HLF: variants seen among roughly 807,000 people sequenced by gnomAD.
HLF encodes hepatic leukemia factor.
Under a neutral mutation model 22.6 loss-of-function variants are expected in HLF, and 3 were observed. The ratio of observed to expected loss-of-function variants is 0.13; its 90% CI spans 0.06 to 0.34. HLF has a LOEUF of 0.34. Ranked by LOEUF, HLF falls within the 10% of genes least tolerant of loss-of-function variation. The probability of loss-of-function intolerance (pLI) is 1.00; values close to 1 mark genes in which losing one functional copy is unlikely to be tolerated. For missense variants in HLF, 299 were observed against 389.2 expected, an observed-to-expected ratio of 0.77 and a Z score of 1.95; for synonymous variants, 151 against 151.8, an observed-to-expected ratio of 0.99 and a Z score of 0.04.
At position 55,323,018 on chromosome 17, in the gene HLF, T is replaced by C. The variant is rs1161604276; in HGVS notation, c.*2139T>C. ...TCTAGTTTCCTGCCTTCAGAGTATCTAATCCTTTAATGATCTGGTGGTCTC... is the reference window on the plus strand; with the variant it reads ...TCTAGTTTCCTGCCTTCAGAGTATCCAATCCTTTAATGATCTGGTGGTCTC... On this transcript the variant is annotated 3_prime_UTR_variant, in exon 4 of 4. Transcript: ENST00000226067. 4.5e-6 allele frequency: 1 copy of C among 220,908 alleles called. No individual in the cohort carries two copies. The highest frequency in any genetic ancestry group is 9.1e-6 in the Non-Finnish European group (1 of 110,320). The allele number at this position is 220,908 out of a possible 1,614,324, so 13.7% of individuals were successfully genotyped here. A position where few individuals can be genotyped will look rare whatever the true frequency, so the allele number is the denominator to read the frequency against.
At chr17:55,306,055 A>C (rs1175046878) in intron 2 of HLF, among the ~76,000 whole-genome samples, 1 of 152,206 alleles carries the variant, frequency 6.6e-6, no homozygotes, top group Non-Finnish European at 1.5e-5. Context: ...GAAGAACCTT[A>C]CTATCAGTAT....
intron 2 of HLF, chr17:55,271,851 A>G (rs1424199464): frequency 6.6e-6 from 1 of 152,180 alleles, no homozygotes; most frequent in Non-Finnish European, 1.5e-5. Flanking sequence ...GAATTCTCAT[A>G]CTATTTACCA....
chr17:55,303,785 G>A (rs1054615938), intron 2 of HLF, among the ~76,000 whole-genome samples: 1 of 152,166 alleles, frequency 6.6e-6, no homozygotes, highest in Non-Finnish European at 1.5e-5. Flanking sequence ...AATTCAGCGA[G>A]GGGGGTGAAT....
At chr17:55,302,845 T>G (rs1904359776) in intron 2 of HLF, among the ~76,000 whole-genome samples, 1 of 152,182 alleles carries the variant, frequency 6.6e-6, no homozygotes, top group Non-Finnish European at 1.5e-5. Flanking sequence ...GAAAATAGAC[T>G]CCAGGTATGG....
chr17:55,282,596 A>G (rs2080964198), intron 2 of HLF, among the ~76,000 whole-genome samples: 1 of 152,206 alleles, frequency 6.6e-6, no homozygotes, highest in Non-Finnish European at 1.5e-5. Context: ...CAGCCAATCT[A>G]GGTTCTAAAG....
intron 2 of HLF, among the ~76,000 whole-genome samples, chr17:55,294,579 G>A (rs532528440): frequency 1.3e-5 from 2 of 152,308 alleles, no homozygotes; most frequent in African/African-American, 2.4e-5. Context: ...CAAGTTGTAC[G>A]AGCAAAGCAT....
At chr17:55,297,738 C>CTTTTTTTTT (rs34900287) in intron 2 of HLF, among the ~76,000 whole-genome samples, 10 of 62,890 alleles carry the variant, frequency 1.6e-4, no homozygotes, top group Admixed American at 2.5e-4. Flanking sequence ...AACAGCATTT[C>CTTTTTTTTT]TTTTTTTTTT....
At position 55,320,593 on chromosome 17, in the gene HLF, C is replaced by T. The variant is rs1905230176; in HGVS notation, c.673-71C>T. On this transcript the variant is annotated intron_variant, in intron 3 of 3. Coordinates refer to ENST00000226067, the MANE Select transcript of HLF (RefSeq NM_002126.5). This position sits in a 1 kb window ranked among gnomAD's most constrained non-coding sequence, Gnocchi z 4.2. Reference sequence around the variant, plus strand: ...TGCACAATCCTGGAGCCTGCCCGTGCCCTGGCTGGCACTGGGCTTTGCTGA... The same window carrying T: ...TGCACAATCCTGGAGCCTGCCCGTGTCCTGGCTGGCACTGGGCTTTGCTGA... The T allele has an allele frequency of 2.8e-6, 4 of 1,410,576 alleles. No individual in the cohort carries two copies. Among genetic ancestry groups the T allele is most frequent in the Non-Finnish European group, 3.0e-6 (3 of 1,016,456 alleles). 87.4% of individuals were successfully genotyped at this position (1,410,576 alleles called of 1,614,324 possible). A position where few individuals can be genotyped will look rare whatever the true frequency, so the allele number is the denominator to read the frequency against.
At chr17:55,266,563 A>G (rs1379290339) in intron 1 of HLF, among the ~76,000 whole-genome samples, 1 of 152,204 alleles carries the variant, frequency 6.6e-6, no homozygotes, top group Admixed American at 6.5e-5. Context: ...GTTGCATTGC[A>G]AGAGTTTGCA....
At chr17:55,307,171 T>TG (rs1904616893) in intron 2 of HLF, among the ~76,000 whole-genome samples, 1 of 138,622 alleles carries the variant, frequency 7.2e-6, no homozygotes, top group Non-Finnish European at 1.6e-5. Context: ...TTTTTTTTTT[T>TG]GAGACGGAGT....
intron 2 of HLF, among the ~76,000 whole-genome samples, chr17:55,311,495 GTC>G (rs1598408009): frequency 6.6e-6 from 1 of 151,742 alleles, no homozygotes. Flanking sequence ...CAGAGCGAGA[GTC>G]TGTCTCAAAG....
At position 55,265,577 on chromosome 17, in the gene HLF, G is replaced by A. The variant is rs879040347; in HGVS notation, c.93G>A (p.Lys31=). Residue 31 remains lysine (K), a synonymous_variant, in exon 1 of 4, where the codon AAG becomes AAA. Transcript: ENST00000226067. ...GGTCCCTGCTGGAGAACCCGCTGAAGCTCCCCCTTCACCACGAAGACGGTG... is the reference window on the plus strand; with the variant it reads ...GGTCCCTGCTGGAGAACCCGCTGAAACTCCCCCTTCACCACGAAGACGGTG... The part of the protein sequence containing the change: ...VLRSLLENPL[K]LPLHHEDAFS... 6.2e-7 allele frequency: 1 copy of A among 1,602,164 alleles called. No homozygotes were observed. The highest frequency in any genetic ancestry group is 1.1e-5 in the South Asian group (1 of 90,158).
At chr17:55,315,169 A>G (rs544831113) in intron 2 of HLF, 58 bp from the exon 3 acceptor site, 3 of 1,289,572 alleles carry the variant, frequency 2.3e-6, no homozygotes, top group Non-Finnish European at 3.4e-6. Flanking sequence ...ACCATTAAGT[A>G]GCTGCCTACT....
chr17:55,296,900 G>A (rs566610894), intron 2 of HLF, among the ~76,000 whole-genome samples: 1 of 152,084 alleles, frequency 6.6e-6, no homozygotes, highest in African/African-American at 2.4e-5. Flanking sequence ...GGTTGGAGGG[G>A]AGCTAAGTAT....
intron 2 of HLF, among the ~76,000 whole-genome samples, chr17:55,305,025 A>G (rs1361843802): frequency 2.6e-5 from 4 of 152,230 alleles, no homozygotes; most frequent in Non-Finnish European, 5.9e-5. Flanking sequence ...TGTCTGCCCA[A>G]ACCAAACGTT....
At chr17:55,288,792 G>T in intron 2 of HLF, 2 of 318,020 alleles carry the variant, frequency 6.3e-6, no homozygotes, top group Non-Finnish European at 9.1e-6. Context: ...AAATATTCAA[G>T]AATGAAGAGT....
chr17:55,299,411 C>T (rs1020779418), intron 2 of HLF, among the ~76,000 whole-genome samples: 1 of 152,062 alleles, frequency 6.6e-6, no homozygotes, highest in Non-Finnish European at 1.5e-5. Context: ...ACCTATGCCC[C>T]ACAAAACATA....
At position 55,324,452 on chromosome 17, in the gene HLF, AT is replaced by A; in HGVS notation, c.*3577del. The A allele has an allele frequency of 4.3e-6, 1 of 231,632 alleles. No individual in the cohort carries two copies. The highest frequency in any genetic ancestry group is 8.5e-6 in the Non-Finnish European group (1 of 117,040). The allele number at this position is 231,632 out of a possible 1,614,324, so 14.3% of individuals were successfully genotyped here. A position where few individuals can be genotyped will look rare whatever the true frequency, so the allele number is the denominator to read the frequency against. On this transcript the variant is annotated 3_prime_UTR_variant, in exon 4 of 4. Transcript: ENST00000226067. The stretch of plus-strand genomic sequence containing the variant: ...TTTGGTTTTTCTAGTAGTTTATCTC[AT>A]TTTACCCTATTCTTCCTTTAAGGAA...
intron 2 of HLF, among the ~76,000 whole-genome samples, chr17:55,279,493 G>C (rs1247604234): frequency 3.9e-5 from 6 of 152,002 alleles, no homozygotes; most frequent in Non-Finnish European, 5.9e-5. Flanking sequence ...CAGTGCTTTG[G>C]GTGGCCAAGG....
Sources: gnomAD v4.1 joint callset for allele counts (sites outside exome capture counted in the v4.1 genomes callset) on GRCh38, gnomAD v4.1.1 for gene constraint, Gnocchi (gnomAD v3.1) non-coding constraint, MANE v1.5 for transcripts, NCBI Gene and HGNC (gene_info 2026-07-23, HGNC 2026-07-21) for gene names.